TACR3: variants seen among roughly 807,000 people sequenced by gnomAD.
TACR3 encodes the protein neuromedin-K receptor.
A neutral mutation model predicts 35.0 loss-of-function variants in TACR3; 34 were observed. The observed-to-expected ratio is 0.97, with a 90% CI of 0.74 to 1.30. TACR3 has a LOEUF of 1.30. Ranked by LOEUF, TACR3 falls within the 50% of genes most tolerant of loss-of-function variation. The pLI is 0.00. For missense variants in TACR3, 558 were observed against 591.7 expected (o/e 0.94, Z 0.59); for synonymous variants, 233 against 221.1 (o/e 1.05, Z -0.48).
chr4:103,707,017 T>A (rs1292634641), intron 1 of TACR3, among the ~76,000 whole-genome samples: 2 of 152,250 alleles, frequency 1.3e-5, no homozygotes, highest in Admixed American at 6.5e-5. Context: ...CTCAGATACA[T>A]GTTTAGTACC....
intron 1 of TACR3, among the ~76,000 whole-genome samples, chr4:103,689,275 A>G (rs1254074470): frequency 4.7e-5 from 7 of 149,878 alleles, no homozygotes; most frequent in African/African-American, 1.5e-4. Context: ...GGGGCGGGAT[A>G]GCATTGGGAG....
At chr4:103,606,157 G>C (rs1724357039) in intron 3 of TACR3, among the ~76,000 whole-genome samples, 1 of 151,642 alleles carries the variant, frequency 6.6e-6, no homozygotes, top group African/African-American at 2.4e-5. Context: ...TTATTTCTGA[G>C]GGCTCTGTTC....
chr4:103,703,834 C>G (rs943148946), intron 1 of TACR3, among the ~76,000 whole-genome samples: 1 of 152,006 alleles, frequency 6.6e-6, no homozygotes, highest in Admixed American at 6.6e-5. Flanking sequence ...GCCGTGGTGG[C>G]TCACGCCTGT....
At chr4:103,649,553 A>G (rs1413979589) in intron 3 of TACR3, among the ~76,000 whole-genome samples, 1 of 151,658 alleles carries the variant, frequency 6.6e-6, no homozygotes, top group Admixed American at 6.6e-5. Context: ...GTTTCCTCTT[A>G]CTGTACATTT....
At chr4:103,711,434 A>T (rs939761933) in intron 1 of TACR3, among the ~76,000 whole-genome samples, 3 of 152,226 alleles carry the variant, frequency 2.0e-5, no homozygotes, top group Non-Finnish European at 4.4e-5. Flanking sequence ...TCTTTGACGA[A>T]ATTCAACAAC....
intron 1 of TACR3, among the ~76,000 whole-genome samples, chr4:103,680,577 C>T (rs948595418): frequency 2.0e-5 from 3 of 149,382 alleles, no homozygotes; most frequent in African/African-American, 7.4e-5. Context: ...ATATATATTT[C>T]TCATTATTGT....
chr4:103,665,661 A>G (rs182162083), intron 1 of TACR3, among the ~76,000 whole-genome samples: 1 of 152,256 alleles, frequency 6.6e-6, no homozygotes, highest in African/African-American at 2.4e-5. Flanking sequence ...GTCACAAAAT[A>G]GGTTAGAAAT....
intron 3 of TACR3, among the ~76,000 whole-genome samples, chr4:103,631,147 G>T (rs554976723): frequency 3.4e-4 from 51 of 152,150 alleles, no homozygotes; most frequent in African/African-American, 1.2e-3. Flanking sequence ...GGGACACAGG[G>T]CAGGGAACAT....
At chr4:103,652,016 C>T (rs967885543) in intron 3 of TACR3, among the ~76,000 whole-genome samples, 2 of 151,994 alleles carry the variant, frequency 1.3e-5, no homozygotes, top group Non-Finnish European at 2.9e-5. Flanking sequence ...TGGAAGGAGC[C>T]AGTTCCTTTT....
chr4:103,642,886 T>C (rs948144135), intron 3 of TACR3, among the ~76,000 whole-genome samples: 1 of 152,022 alleles, frequency 6.6e-6, no homozygotes, highest in East Asian at 1.9e-4. Flanking sequence ...CCTAATTAGA[T>C]TACTATGTAT....
chr4:103,706,822 A>G (rs1346793593), intron 1 of TACR3, among the ~76,000 whole-genome samples: 1 of 152,240 alleles, frequency 6.6e-6, no homozygotes, highest in African/African-American at 2.4e-5. Context: ...AATCAGGATC[A>G]GCAACTGGGG....
chr4:103,620,796 T>TG (rs1299879565), intron 3 of TACR3, among the ~76,000 whole-genome samples: 1 of 152,142 alleles, frequency 6.6e-6, no homozygotes, highest in African/African-American at 2.4e-5. Context: ...TGCTCACACC[T>TG]GGGGGATGTG....
chr4:103,601,385 A>G (rs1250761480), intron 3 of TACR3, among the ~76,000 whole-genome samples: 1 of 152,152 alleles, frequency 6.6e-6, no homozygotes, highest in Non-Finnish European at 1.5e-5. Context: ...GCCCATTTAC[A>G]TTTAAAGTTA....
In TACR3 at chr4:103,591,586, T is replaced by A. The variant is rs767418116; in HGVS notation, c.986A>T (p.Asn329Ile). Reference sequence around the variant, plus strand: ...GACCTGCTGGATGTATTTCCATCTATTTAGTTGTTGATAGATTGCAGTGAG... The same window carrying A: ...GACCTGCTGGATGTATTTCCATCTAATTAGTTGTTGATAGATTGCAGTGAG... ...FILTAIYQQL[N>I]RWKYIQQVYL... is the part of the protein sequence containing the mutation. The change falls in exon 4 of 5, where the codon AAT becomes ATT. Residue 329 changes from asparagine to isoleucine, a missense_variant. Coordinates refer to ENST00000304883, the MANE Select transcript of TACR3 (RefSeq NM_001059.3). 2 of 1,613,874 alleles carry A rather than the reference T, an allele frequency of 1.2e-6. No homozygotes were observed. The highest frequency in any genetic ancestry group is 1.7e-6 in the Non-Finnish European group (2 of 1,179,858).
chr4:103,626,028 A>C (rs1306173586), intron 3 of TACR3, among the ~76,000 whole-genome samples: 1 of 152,154 alleles, frequency 6.6e-6, no homozygotes, highest in African/African-American at 2.4e-5. Context: ...CTACATTTTG[A>C]TCTTGGACTT....
rs1202315497 is a variant in TACR3 at position 103,586,906 on chromosome 4, G to T, written c.*2776C>A. 1 of 151,988 alleles carries T rather than the reference G, an allele frequency of 6.6e-6. No homozygotes were observed. The highest frequency in any genetic ancestry group is 1.5e-5 in the Non-Finnish European group (1 of 68,004). The allele number at this position is 151,988 out of a possible 1,614,324, so 9.4% of individuals were successfully genotyped here. On this transcript the variant is annotated 3_prime_UTR_variant, in exon 5 of 5. Transcript: ENST00000304883. ...GATTTAATGTATTTTGTTTAAAAGA[G>T]AATACTTACAATGATGTAAGCCTTT...
chr4:103,699,921 A>G (rs994030941), intron 1 of TACR3, among the ~76,000 whole-genome samples: 4 of 152,170 alleles, frequency 2.6e-5, no homozygotes, highest in African/African-American at 9.7e-5. Context: ...TGGATTACTG[A>G]CAAGGGTTTT....
chr4:103,656,145 G>A lies in TACR3; in HGVS notation c.888+49C>T, dbSNP rs1050336672. The A allele has an allele frequency of 3.7e-6, 6 of 1,607,416 alleles. No individual in the cohort carries two copies. In the African/African-American group the frequency reaches 5.3e-5, roughly 14 times the overall value. ...CCATGACTAGATTGCTTTTCTTTCT[G>A]ATATACCATAACCTATACAAATGCT... On this transcript the variant is annotated intron_variant, in intron 3 of 4. Coordinates refer to ENST00000304883, the MANE Select transcript of TACR3 (RefSeq NM_001059.3).
At chr4:103,713,137 AG>A (rs2110232359) in intron 1 of TACR3, among the ~76,000 whole-genome samples, 1 of 152,306 alleles carries the variant, frequency 6.6e-6, no homozygotes, top group African/African-American at 2.4e-5. Flanking sequence ...ATATACCCAA[AG>A]GATTATAAAT....
Sources: allele counts gnomAD v4.1 joint callset (sites outside exome capture counted in the v4.1 genomes callset), GRCh38; gene constraint gnomAD v4.1.1; transcripts MANE v1.5; gene names NCBI Gene and HGNC (gene_info 2026-07-23, HGNC 2026-07-21).